The following PRIM2 variants were observed in gnomAD, a reference collection of about 807,000 sequenced individuals.
The protein encoded by PRIM2 is DNA primase subunit 2.
PRIM2 carries 39 observed loss-of-function variants against 67.3 expected under a neutral mutation model. The observed-to-expected ratio is 0.58, with a 90% CI of 0.45 to 0.76. The LOEUF is 0.76. Ranked by LOEUF, PRIM2 falls within the 30% of genes least tolerant of loss-of-function variation. PRIM2 has a pLI of 0.00. For synonymous variants in PRIM2, 143 were observed against 198.7 expected (o/e 0.72, Z 2.36); for missense variants, 398 against 598.7 (o/e 0.66, Z 3.50).
chr6:57,471,868 A>G (rs1439611880), intron 7 of PRIM2, among the ~76,000 whole-genome samples: 3 of 152,236 alleles, frequency 2.0e-5, no homozygotes, highest in Admixed American at 6.5e-5. Flanking sequence ...TGAATTTTAC[A>G]TATTTCATTC....
chr6:57,456,521 T>A (rs1293429946), intron 7 of PRIM2, among the ~76,000 whole-genome samples: 20 of 152,228 alleles, frequency 1.3e-4, no homozygotes, highest in African/African-American at 4.8e-4. Context: ...CTCTTCTTGC[T>A]TCATTTGATT....
At chr6:57,475,207 T>C (rs1404268364) in intron 7 of PRIM2, among the ~76,000 whole-genome samples, 79,043 of 151,884 alleles carry the variant, frequency 0.52, 21,845 homozygotes, top group African/African-American at 0.71. Context: ...TTGTAATCAG[T>C]TTCGAAGTAT....
At chr6:57,355,372 G>T (rs1401744247) in intron 5 of PRIM2, among the ~76,000 whole-genome samples, 2 of 151,502 alleles carry the variant, frequency 1.3e-5, no homozygotes, top group East Asian at 1.9e-4. Flanking sequence ...GGTATGCCAC[G>T]CTCCCTTTAT....
chr6:57,252,137 A>G, the PRIM2 span, among the ~76,000 whole-genome samples: 1 of 152,322 alleles, frequency 6.6e-6, no homozygotes, highest in South Asian at 2.1e-4. Flanking sequence ...CAAAAACTTA[A>G]TAATCTCTCC....
At chr6:57,376,149 G>T (rs1409944688) in intron 5 of PRIM2, among the ~76,000 whole-genome samples, 1 of 152,170 alleles carries the variant, frequency 6.6e-6, no homozygotes, top group Admixed American at 6.5e-5. Context: ...AGTGATCCGT[G>T]ATCATACCAT....
At chr6:57,320,636 T>C (rs1767623415) in intron 3 of PRIM2, 76 bp downstream of exon 3, 11 of 906,866 alleles carry the variant, frequency 1.2e-5, no homozygotes. Flanking sequence ...GGGAAAGATA[T>C]TATATTAGGC....
chr6:57,592,353 G>A (rs1422768700), intron 10 of PRIM2, among the ~76,000 whole-genome samples: 4 of 152,108 alleles, frequency 2.6e-5, no homozygotes, highest in Non-Finnish European at 4.4e-5. Flanking sequence ...GCTGATTTCT[G>A]TGCACATATA....
chr6:57,243,102 CTTCA>C, the PRIM2 span, among the ~76,000 whole-genome samples: 4 of 152,220 alleles, frequency 2.6e-5, no homozygotes, highest in African/African-American at 7.2e-5. Context: ...ATCTATAATT[CTTCA>C]TTCACATCTT....
chr6:57,535,006 G>A (rs1258955736), intron 9 of PRIM2, among the ~76,000 whole-genome samples: 3 of 151,934 alleles, frequency 2.0e-5, no homozygotes, highest in Non-Finnish European at 4.4e-5. Flanking sequence ...TTCATTGTCC[G>A]TCTCCTCCTA....
At chr6:57,255,465 T>C in the PRIM2 span, among the ~76,000 whole-genome samples, 1 of 147,320 alleles carries the variant, frequency 6.8e-6, no homozygotes, top group Admixed American at 6.9e-5. Context: ...GCCACTGCAC[T>C]CCAGCCTGGG....
At chr6:57,271,251 C>G in the PRIM2 span, among the ~76,000 whole-genome samples, 1 of 152,176 alleles carries the variant, frequency 6.6e-6, no homozygotes, top group Non-Finnish European at 1.5e-5. Context: ...GTGAATCCAT[C>G]TGGTCCTGGA....
chr6:57,631,374 G>A (rs1281942950), intron 12 of PRIM2, among the ~76,000 whole-genome samples: 1 of 152,102 alleles, frequency 6.6e-6, no homozygotes, highest in African/African-American at 2.4e-5. Flanking sequence ...GGGCTTGGGG[G>A]AGGCAATGAA....
intron 5 of PRIM2, among the ~76,000 whole-genome samples, chr6:57,367,525 CTT>C (rs1337598863): frequency 1.3e-5 from 2 of 152,190 alleles, no homozygotes; most frequent in Non-Finnish European, 2.9e-5. Flanking sequence ...AAAATCAAAA[CTT>C]AATTCTAAAA....
At chr6:57,287,612 G>C in the PRIM2 span, among the ~76,000 whole-genome samples, 5 of 152,040 alleles carry the variant, frequency 3.3e-5, no homozygotes, top group Non-Finnish European at 7.4e-5. Context: ...CCTGTCAGGG[G>C]GTGGGGGCAA....
At chr6:57,527,943 G>A (rs1404301267) in intron 8 of PRIM2, among the ~76,000 whole-genome samples, 3 of 151,964 alleles carry the variant, frequency 2.0e-5, no homozygotes, top group African/African-American at 4.8e-5. Flanking sequence ...TTTCTATTAC[G>A]TGTATGTCTT....
chr6:57,519,181 TCACAGGAC>T (rs1234758809), intron 8 of PRIM2, among the ~76,000 whole-genome samples: 1 of 152,194 alleles, frequency 6.6e-6, no homozygotes, highest in African/African-American at 2.4e-5. Flanking sequence ...CAGGGCGAGA[TCACAGGAC>T]CACAGGACCG....
chr6:57,330,361 G>GTTTTTTTTTTTTTTTT (rs59599812), intron 5 of PRIM2, among the ~76,000 whole-genome samples: 2 of 110,396 alleles, frequency 1.8e-5, no homozygotes, highest in Non-Finnish European at 1.8e-5. Flanking sequence ...TTTTTTTTTT[G>GTTTTTTTTTTTTTTTT]TTTTTGTTTT....
At chr6:57,232,752 C>T in the PRIM2 span, among the ~76,000 whole-genome samples, 3 of 152,166 alleles carry the variant, frequency 2.0e-5, no homozygotes, top group African/African-American at 7.2e-5. Flanking sequence ...CCTTCTTGCT[C>T]TCTCCCTGTT....
chr6:57,335,091 A>G (rs1368027978), intron 5 of PRIM2, among the ~76,000 whole-genome samples: 2 of 152,226 alleles, frequency 1.3e-5, no homozygotes, highest in African/African-American at 2.4e-5. Context: ...AGTCAAAGAA[A>G]GGGGTGACAG....
Sources: allele counts gnomAD v4.1 joint callset (sites outside exome capture counted in the v4.1 genomes callset), GRCh38; gene constraint gnomAD v4.1.1; transcripts MANE v1.5; gene names NCBI Gene and HGNC (gene_info 2026-07-23, HGNC 2026-07-21).